The following UBQLN1 variants were observed in gnomAD, a reference collection of about 807,000 sequenced individuals.
UBQLN1 encodes the protein ubiquilin-1.
A neutral mutation model predicts 65.4 loss-of-function variants in UBQLN1; 13 were observed. The ratio of observed to expected loss-of-function variants is 0.20; its 90% confidence interval spans 0.13 to 0.32. UBQLN1 has a LOEUF of 0.32. Among genes scored for constraint, UBQLN1 ranks in the 10% least tolerant of loss-of-function variants. The pLI, the probability that UBQLN1 is intolerant of heterozygous loss-of-function variation, is 1.00. For synonymous variants in UBQLN1, 267 were observed against 247.8 expected (o/e 1.08, Z -0.73); for missense variants, 561 against 724.0 (o/e 0.77, Z 2.58).
At chr9:83,664,120 A>G in intron 9 of UBQLN1, 77 bp from the exon 10 acceptor site, 1 of 1,481,944 alleles carries the variant, frequency 6.7e-7, no homozygotes, top group Non-Finnish European at 9.1e-7. Context: ...TTACATTTTA[A>G]TATAAGCTAA....
intron 1 of UBQLN1, among the ~76,000 whole-genome samples, chr9:83,701,262 T>G (rs1412726588): frequency 6.6e-6 from 1 of 152,154 alleles, no homozygotes; most frequent in Non-Finnish European, 1.5e-5. Flanking sequence ...AAAATAACTA[T>G]TTTCTCAGTG....
intron 1 of UBQLN1, among the ~76,000 whole-genome samples, chr9:83,689,490 A>T (rs1832092044): frequency 1.3e-5 from 2 of 152,268 alleles, no homozygotes; most frequent in Admixed American, 1.3e-4. Context: ...CAAACCCAAC[A>T]ACTACAGAAT....
In UBQLN1 at chr9:83,663,963, T is replaced by C. The variant is rs200748012; in HGVS notation, c.1529A>G (p.Asn510Ser). ...TNGSNATPSE[N>S]TSPTAGTTEP... ...AGTGGTTCCTGCTGTGGGACTTGTG[T>C]TTTCACTAGGTGTGGCGTTAGATCC... Residue 510 changes from asparagine (N) to serine (S), a missense_variant, in exon 10 of 11, where the codon AAC becomes AGC. Coordinates refer to ENST00000376395, the MANE Select transcript of UBQLN1 (RefSeq NM_013438.5). 822 of 1,614,038 alleles carry C rather than the reference T, an allele frequency of 5.1e-4. 1 individual carries two copies. The highest frequency in any genetic ancestry group is 6.8e-4 in the Non-Finnish European group (797 of 1,180,020).
chr9:83,683,149 A>G, intron 2 of UBQLN1, 83 bp from the exon 3 acceptor site: 1 of 938,248 alleles, frequency 1.1e-6, no homozygotes, highest in Non-Finnish European at 1.7e-6. Context: ...ACAGTGGCTC[A>G]CGCCTGTAAT....
At chr9:83,694,455 T>C (rs183711028) in intron 1 of UBQLN1, among the ~76,000 whole-genome samples, 106 of 152,316 alleles carry the variant, frequency 7.0e-4, no homozygotes, top group African/African-American at 2.4e-3. Context: ...TTTAACCTTA[T>C]AGTAGTCTTA....
intron 9 of UBQLN1, 113 bp from the exon 10 acceptor site, chr9:83,664,156 T>G: frequency 6.5e-6 from 8 of 1,223,670 alleles, no homozygotes; most frequent in Non-Finnish European, 9.0e-6. Context: ...TAAGCCCTTT[T>G]GGCCTGGTGC....
intron 1 of UBQLN1, among the ~76,000 whole-genome samples, chr9:83,703,613 C>CT (rs1179340300): frequency 6.6e-6 from 1 of 152,172 alleles, no homozygotes; most frequent in Non-Finnish European, 1.5e-5. Flanking sequence ...ACAAAAATCT[C>CT]TATTAATGAC....
At chr9:83,691,622 G>A (rs949731721) in intron 1 of UBQLN1, among the ~76,000 whole-genome samples, 3 of 152,192 alleles carry the variant, frequency 2.0e-5, no homozygotes, top group African/African-American at 7.2e-5. Flanking sequence ...ACACAGCTAT[G>A]CTGTACCTGG....
chr9:83,665,465 T>C (rs1052094206), intron 8 of UBQLN1: 1 of 220,922 alleles, frequency 4.5e-6, no homozygotes, highest in Non-Finnish European at 8.8e-6. Context: ...AGACACAACC[T>C]CCAAAGGCAC....
In UBQLN1 at chr9:83,684,928, C is replaced by T. The variant is rs368669505; in HGVS notation, c.332+1076G>A. ...GAATTTAGCTAAGGCACACATTTTT[C>T]TATTTTAACATCTCCGAAATCAGGA... is the stretch of plus-strand genomic sequence containing the variant. On this transcript the variant is annotated intron_variant, in intron 2 of 10. Coordinates refer to ENST00000376395, the MANE Select transcript of UBQLN1 (RefSeq NM_013438.5). Among the ~76,000 whole-genome samples, 63 of 151,888 alleles carry T rather than the reference C, an allele frequency of 4.1e-4. 1 individual carries two copies. The highest frequency in any genetic ancestry group is 1.5e-3 in the African/African-American group (62 of 41,422).
chr9:83,705,681 A>T (rs1178983409), intron 1 of UBQLN1, among the ~76,000 whole-genome samples: 1 of 152,266 alleles, frequency 6.6e-6, no homozygotes, highest in Admixed American at 6.5e-5. Context: ...AAGACTGTTC[A>T]TAGTAACTAA....
At chr9:83,668,471 G>C (rs1050013099) in intron 7 of UBQLN1, 3 of 985,270 alleles carry the variant, frequency 3.0e-6, no homozygotes, top group South Asian at 4.7e-5. Context: ...ATGGAACCTA[G>C]ATAGTACCTA....
intron 1 of UBQLN1, among the ~76,000 whole-genome samples, chr9:83,688,386 CTA>C (rs1387262231): frequency 6.7e-6 from 1 of 148,176 alleles, no homozygotes; most frequent in Non-Finnish European, 1.5e-5. Flanking sequence ...TCCAGATTAA[CTA>C]TTTTTCATAT....
intron 6 of UBQLN1, among the ~76,000 whole-genome samples, chr9:83,670,903 T>C (rs928434758): frequency 2.6e-5 from 4 of 152,174 alleles, no homozygotes; most frequent in African/African-American, 9.7e-5. Flanking sequence ...CAACTCCTCA[T>C]CTGTACAAGT....
At position 83,707,645 on chromosome 9, in the gene UBQLN1, C is replaced by T; in HGVS notation, c.35G>A (p.Gly12Asp). ...AESGESGGPP[G>D]SQDSAAGAEG... ...GGCTCCGGCGGCGCTATCCTGGGAG[C>T]CCGGAGGACCGCCGCTTTCACCACT... Residue 12 changes from glycine (G) to aspartate (D), a missense_variant, in exon 1 of 11, where the codon GGC becomes GAC. By Grantham distance (94) the Gly-to-Asp change is moderately conservative. This residue lies in a region of UBQLN1 where 101 missense variants were observed against 104.9 expected (regional missense o/e 0.96). Transcript: ENST00000376395. 4 of 1,566,240 alleles carry T rather than the reference C, an allele frequency of 2.6e-6. No individual in the cohort carries two copies. The highest frequency in any genetic ancestry group is 1.7e-6 in the Non-Finnish European group (2 of 1,157,040).
intron 6 of UBQLN1, among the ~76,000 whole-genome samples, chr9:83,674,760 A>G (rs560144199): frequency 4.6e-5 from 7 of 152,312 alleles, no homozygotes; most frequent in African/African-American, 1.7e-4. Context: ...GCTCAATTGT[A>G]TGGGGAGTCA....
intron 10 of UBQLN1, among the ~76,000 whole-genome samples, chr9:83,662,543 G>GT (rs1396867493): frequency 6.6e-6 from 1 of 151,442 alleles, no homozygotes; most frequent in Non-Finnish European, 1.5e-5. Flanking sequence ...CAGAAATGAA[G>GT]TTAAAAAAAA....
intron 1 of UBQLN1, among the ~76,000 whole-genome samples, chr9:83,693,129 TAA>T (rs1446710467): frequency 2.0e-5 from 3 of 152,208 alleles, no homozygotes; most frequent in African/African-American, 7.2e-5. Flanking sequence ...TGAGAATTAC[TAA>T]ACTCTTTCTC....
At chr9:83,701,886 A>G (rs1832315652) in intron 1 of UBQLN1, among the ~76,000 whole-genome samples, 2 of 152,214 alleles carry the variant, frequency 1.3e-5, no homozygotes, top group African/African-American at 4.8e-5. Flanking sequence ...CATTAGTCAC[A>G]ATAGCCAGAA....
Sources: gnomAD v4.1 joint callset for allele counts (sites outside exome capture counted in the v4.1 genomes callset) on GRCh38, gnomAD v4.1.1 for gene constraint, gnomAD v4.1.1 regional missense constraint, MANE v1.5 for transcripts, NCBI Gene and HGNC (gene_info 2026-07-23, HGNC 2026-07-21) for gene names.